Variants in LUZP2 observed in about 807,000 individuals in gnomAD.
LUZP2 encodes the protein leucine zipper protein 2.
Under a neutral mutation model 51.6 loss-of-function variants are expected in LUZP2, and 52 were observed. The ratio of observed to expected loss-of-function variants is 1.01; its 90% CI spans 0.81 to 1.27. The LOEUF (loss-of-function observed/expected upper bound fraction) is 1.27. Among genes scored for constraint, LUZP2 ranks in the 50% most tolerant of loss-of-function variants. The pLI is 0.00. For synonymous variants in LUZP2, 154 were observed against 137.3 expected, an observed-to-expected ratio of 1.12 and a Z score of -0.85; for missense variants, 436 against 395.4, an observed-to-expected ratio of 1.10 and a Z score of -0.87.
intron 1 of LUZP2, among the ~76,000 whole-genome samples, chr11:24,721,673 A>G (rs965506194): frequency 2.0e-5 from 3 of 152,190 alleles, no homozygotes; most frequent in African/African-American, 7.2e-5. Context: ...TGATCTCTAA[A>G]TAAATTGTAG....
chr11:24,670,238 C>A (rs543950477), intron 1 of LUZP2, among the ~76,000 whole-genome samples: 1 of 151,884 alleles, frequency 6.6e-6, no homozygotes, highest in Non-Finnish European at 1.5e-5. Context: ...GCTCTGTGAC[C>A]ACAGATAAGT....
chr11:24,910,637 G>A (rs555364493), intron 6 of LUZP2, among the ~76,000 whole-genome samples: 1 of 152,358 alleles, frequency 6.6e-6, no homozygotes, highest in African/African-American at 2.4e-5. Context: ...TGAGGTTTGG[G>A]AACCTCCACC....
At chr11:24,788,180 A>ATTTTTTTTTTT (rs61308017) in intron 5 of LUZP2, among the ~76,000 whole-genome samples, 1 of 83,396 alleles carries the variant, frequency 1.2e-5, no homozygotes, top group Non-Finnish European at 2.2e-5. Flanking sequence ...TTTGTTTTTA[A>ATTTTTTTTTTT]TTTTTTTTTT....
chr11:24,517,100 A>G (rs1590126343), intron 1 of LUZP2, among the ~76,000 whole-genome samples: 1 of 152,174 alleles, frequency 6.6e-6, no homozygotes, highest in African/African-American at 2.4e-5. Context: ...GTTGAAACAT[A>G]TGCATGAAAT....
intron 1 of LUZP2, among the ~76,000 whole-genome samples, chr11:24,543,761 G>A (rs1163485759): frequency 7.5e-6 from 1 of 133,056 alleles, no homozygotes; most frequent in Admixed American, 9.0e-5. Context: ...GTGGAAGTTT[G>A]CAGTGAGCTG....
intron 4 of LUZP2, 43 bp from the exon 5 acceptor site, chr11:24,763,203 A>G: frequency 1.2e-6 from 1 of 855,798 alleles, no homozygotes; most frequent in Non-Finnish European, 1.8e-6. Context: ...AGCCATGGTA[A>G]TGAGTTTGGA....
At chr11:24,528,778 A>G (rs907646501) in intron 1 of LUZP2, among the ~76,000 whole-genome samples, 1 of 151,238 alleles carries the variant, frequency 6.6e-6, no homozygotes, top group African/African-American at 2.4e-5. Flanking sequence ...AAATGCTGAC[A>G]AACTATCTTA....
At chr11:24,679,010 C>A (rs145175563) in intron 1 of LUZP2, among the ~76,000 whole-genome samples, 29 of 152,288 alleles carry the variant, frequency 1.9e-4, no homozygotes, top group African/African-American at 7.0e-4. Flanking sequence ...AGGTATTTTT[C>A]ATTTCTAACT....
At chr11:24,779,688 C>T (rs1849032364) in intron 5 of LUZP2, among the ~76,000 whole-genome samples, 1 of 152,104 alleles carries the variant, frequency 6.6e-6, no homozygotes, top group African/African-American at 2.4e-5. Flanking sequence ...GAAACATGTC[C>T]ATGCAAACTT....
At chr11:24,839,442 G>C (rs1440443326) in intron 5 of LUZP2, among the ~76,000 whole-genome samples, 1 of 151,666 alleles carries the variant, frequency 6.6e-6, no homozygotes, top group Non-Finnish European at 1.5e-5. Context: ...GACTGAGATA[G>C]CATAAAAATA....
chr11:24,601,493 C>T (rs1019030005), intron 1 of LUZP2, among the ~76,000 whole-genome samples: 1 of 151,772 alleles, frequency 6.6e-6, no homozygotes, highest in African/African-American at 2.4e-5. Context: ...TTTCTTTTTA[C>T]TTTACCAGCT....
chr11:24,652,559 C>A (rs1855661162), intron 1 of LUZP2, among the ~76,000 whole-genome samples: 1 of 151,782 alleles, frequency 6.6e-6, no homozygotes, highest in African/African-American at 2.4e-5. Context: ...TGTCCTCATG[C>A]AAAGTGAAAG....
chr11:25,003,699 AT>A (rs1238837336), intron 9 of LUZP2, among the ~76,000 whole-genome samples: 2 of 152,150 alleles, frequency 1.3e-5, no homozygotes, highest in Non-Finnish European at 2.9e-5. Flanking sequence ...TTTTAGCCTG[AT>A]TTTGACTGGG....
chr11:25,069,583 A>G (rs1269344113), intron 10 of LUZP2, among the ~76,000 whole-genome samples: 1 of 151,890 alleles, frequency 6.6e-6, no homozygotes, highest in Non-Finnish European at 1.5e-5. Flanking sequence ...GTGTGGGTGT[A>G]TAAACTAATA....
At chr11:24,654,985 C>T (rs1332878472) in intron 1 of LUZP2, among the ~76,000 whole-genome samples, 1 of 151,892 alleles carries the variant, frequency 6.6e-6, no homozygotes, top group Non-Finnish European at 1.5e-5. Flanking sequence ...ATAAAATGAG[C>T]CAAAAAACAT....
chr11:25,066,636 T>C (rs959163000), intron 10 of LUZP2, among the ~76,000 whole-genome samples: 4 of 151,956 alleles, frequency 2.6e-5, no homozygotes, highest in Non-Finnish European at 5.9e-5. Flanking sequence ...TATTTTTTCT[T>C]GTTTTGTTTA....
chr11:24,807,194 G>A (rs1329485539), intron 5 of LUZP2, among the ~76,000 whole-genome samples: 1 of 152,034 alleles, frequency 6.6e-6, no homozygotes, highest in Non-Finnish European at 1.5e-5. Context: ...AGTAGCTCAC[G>A]CCTGTAATCC....
chr11:24,885,821 G>A (rs552363891), intron 5 of LUZP2, among the ~76,000 whole-genome samples: 3 of 152,196 alleles, frequency 2.0e-5, no homozygotes, highest in African/African-American at 7.2e-5. Context: ...GAGCTGATTC[G>A]ATTCTAAGTG....
At chr11:24,670,035 T>C (rs1381840148) in intron 1 of LUZP2, among the ~76,000 whole-genome samples, 2 of 152,092 alleles carry the variant, frequency 1.3e-5, no homozygotes, top group African/African-American at 2.4e-5. Context: ...TGGCAATATA[T>C]TTCCGATGAA....
Sources: gnomAD v4.1 joint callset for allele counts (sites outside exome capture counted in the v4.1 genomes callset) on GRCh38, gnomAD v4.1.1 for gene constraint, MANE v1.5 for transcripts, NCBI Gene and HGNC (gene_info 2026-07-23, HGNC 2026-07-21) for gene names.